Variants in CNTNAP2 observed in about 807,000 individuals in gnomAD.
CNTNAP2 encodes the protein contactin associated protein 2.
Under a neutral mutation model 155.2 loss-of-function variants are expected in CNTNAP2, and 98 were observed. The observed-to-expected ratio is 0.63, with a 90% CI of 0.54 to 0.75. The LOEUF is 0.75. Ranked by LOEUF, CNTNAP2 falls within the 30% of genes least tolerant of loss-of-function variation. The pLI, the probability that CNTNAP2 is intolerant of heterozygous loss-of-function variation, is 0.00. For synonymous variants in CNTNAP2, 651 were observed against 631.2 expected, an observed-to-expected ratio of 1.03 and a Z score of -0.47; for missense variants, 1,727 against 1,688.1, an observed-to-expected ratio of 1.02 and a Z score of -0.40.
At position 148,338,959 on chromosome 7, in the gene CNTNAP2, A is replaced by C. The variant is rs573495073; in HGVS notation, c.3476-44690A>C. Among the ~76,000 whole-genome samples, 10 of 152,290 alleles carry C rather than the reference A, an allele frequency of 6.6e-5. No homozygotes were observed. In the South Asian group the frequency reaches 1.9e-3, roughly 28 times the overall value. ...CACACAGCAGTAGAACCCCGACAGG[A>C]AAATCAGAAAACATTATATTTTTTC... On this transcript the variant is annotated intron_variant, in intron 21 of 23. Coordinates refer to ENST00000361727, the MANE Select transcript of CNTNAP2 (RefSeq NM_014141.6).
At chr7:147,631,106 A>T (rs893406117) in intron 12 of CNTNAP2, among the ~76,000 whole-genome samples, 3 of 152,200 alleles carry the variant, frequency 2.0e-5, no homozygotes, top group African/African-American at 7.2e-5. Flanking sequence ...CCTAGATATG[A>T]TAAATTAATT....
At chr7:148,401,606 C>CT (rs34892359) in intron 22 of CNTNAP2, among the ~76,000 whole-genome samples, 39,045 of 148,628 alleles carry the variant, frequency 0.26, 5,581 homozygotes, top group Non-Finnish European at 0.34. Flanking sequence ...TTTCTTTTTT[C>CT]TTTTTTTTTT....
chr7:147,370,575 T>G (rs899302226), intron 9 of CNTNAP2, among the ~76,000 whole-genome samples: 4 of 152,184 alleles, frequency 2.6e-5, no homozygotes, highest in Non-Finnish European at 4.4e-5. Flanking sequence ...TAGGGTTTAT[T>G]TTGTTGGAGA....
At chr7:147,622,817 A>G (rs138566375) in intron 12 of CNTNAP2, among the ~76,000 whole-genome samples, 2,337 of 152,168 alleles carry the variant, frequency 0.015, 215 homozygotes, top group Admixed American at 0.14. Flanking sequence ...AAACAATACA[A>G]AAGACCAATG....
chr7:146,512,919 G>A (rs544090674), intron 1 of CNTNAP2, among the ~76,000 whole-genome samples: 2 of 152,026 alleles, frequency 1.3e-5, no homozygotes, highest in African/African-American at 4.8e-5. Flanking sequence ...TTATTGTGGT[G>A]TATATGTCCA....
chr7:147,474,922 A>G (rs1268133511), intron 10 of CNTNAP2, among the ~76,000 whole-genome samples: 1 of 152,214 alleles, frequency 6.6e-6, no homozygotes, highest in African/African-American at 2.4e-5. Flanking sequence ...ATGCATCACC[A>G]CAATCAATTC....
intron 1 of CNTNAP2, among the ~76,000 whole-genome samples, chr7:146,164,111 G>C (rs930515835): frequency 2.0e-5 from 3 of 152,106 alleles, no homozygotes; most frequent in Non-Finnish European, 4.4e-5. Context: ...CCTTAAAATT[G>C]GTGAGTCAAC....
chr7:147,384,407 G>A (rs700300), intron 9 of CNTNAP2, among the ~76,000 whole-genome samples: 19,905 of 152,102 alleles, frequency 0.13, 1,538 homozygotes, highest in East Asian at 0.32. Context: ...TAGGGTTAGG[G>A]ATCTCTCTAT....
chr7:146,362,766 C>CTTTTTTT (rs773124124), intron 1 of CNTNAP2, among the ~76,000 whole-genome samples: 6 of 96,432 alleles, frequency 6.2e-5, no homozygotes, highest in Admixed American at 1.3e-4. Flanking sequence ...TCACACAGCA[C>CTTTTTTT]TTTTTTTTTT....
At chr7:146,689,181 C>T (rs1415395858) in intron 1 of CNTNAP2, among the ~76,000 whole-genome samples, 4 of 152,088 alleles carry the variant, frequency 2.6e-5, no homozygotes, top group Admixed American at 6.6e-5. Flanking sequence ...CAAGGTTACT[C>T]GGGTAACCTT....
chr7:147,619,533 T>C (rs904230539), intron 12 of CNTNAP2, among the ~76,000 whole-genome samples: 2 of 152,186 alleles, frequency 1.3e-5, no homozygotes, highest in Non-Finnish European at 2.9e-5. Context: ...ATATTGGAGA[T>C]AGGCTAGCAA....
At chr7:146,644,189 A>G (rs1307970207) in intron 1 of CNTNAP2, among the ~76,000 whole-genome samples, 3 of 151,422 alleles carry the variant, frequency 2.0e-5, no homozygotes, top group Non-Finnish European at 4.4e-5. Context: ...CCAGAACACT[A>G]TGTTGAATAG....
intron 11 of CNTNAP2, among the ~76,000 whole-genome samples, chr7:147,510,850 C>CATATATATATAGATATATATATATAT: frequency 1.3e-5 from 1 of 76,404 alleles, no homozygotes; most frequent in East Asian, 3.6e-4. Context: ...GGCCTACAAC[C>CATATATATATAGATATATATATATAT]ATATATATAT....
At chr7:148,180,775 G>A (rs575546089) in intron 18 of CNTNAP2, among the ~76,000 whole-genome samples, 1 of 152,334 alleles carries the variant, frequency 6.6e-6, no homozygotes, top group African/African-American at 2.4e-5. Flanking sequence ...TCAGAAGCCA[G>A]CATGGTGCAT....
intron 17 of CNTNAP2, among the ~76,000 whole-genome samples, chr7:148,163,082 A>G (rs1490072351): frequency 6.6e-6 from 1 of 152,228 alleles, no homozygotes; most frequent in Non-Finnish European, 1.5e-5. Flanking sequence ...AGCATTTTGT[A>G]TACCTAAGTA....
At chr7:147,415,494 T>C (rs1797177280) in intron 10 of CNTNAP2, among the ~76,000 whole-genome samples, 1 of 152,176 alleles carries the variant, frequency 6.6e-6, no homozygotes, top group South Asian at 2.1e-4. Context: ...CGGCTCTTCT[T>C]CTTTCACTCA....
At chr7:146,956,164 GT>G (rs1423395992) in intron 3 of CNTNAP2, among the ~76,000 whole-genome samples, 1 of 151,994 alleles carries the variant, frequency 6.6e-6, no homozygotes, top group Non-Finnish European at 1.5e-5. Context: ...CCATTTGTTT[GT>G]TTTTTGTTTT....
chr7:146,696,587 A>G (rs1800786202), intron 1 of CNTNAP2, among the ~76,000 whole-genome samples: 1 of 151,868 alleles, frequency 6.6e-6, no homozygotes, highest in Non-Finnish European at 1.5e-5. Context: ...TTTTGCTGTT[A>G]TTTTTCTCAC....
At chr7:146,482,307 A>G (rs745554822) in intron 1 of CNTNAP2, among the ~76,000 whole-genome samples, 84 of 151,550 alleles carry the variant, frequency 5.5e-4, no homozygotes, top group Non-Finnish European at 1.5e-4. Flanking sequence ...GAAAAGGTAA[A>G]TTAAGGGCAT....
Sources: gnomAD v4.1 joint callset for allele counts (sites outside exome capture counted in the v4.1 genomes callset) on GRCh38, gnomAD v4.1.1 for gene constraint, MANE v1.5 for transcripts, NCBI Gene and HGNC (gene_info 2026-07-23, HGNC 2026-07-21) for gene names.